The following CHD2 variants were observed in gnomAD, a reference collection of about 807,000 sequenced individuals.
CHD2 encodes the protein chromodomain helicase DNA binding protein 2.
A neutral mutation model predicts 243.9 loss-of-function variants in CHD2; 28 were observed. The observed-to-expected ratio is 0.11, with a 90% CI of 0.09 to 0.16. The LOEUF (loss-of-function observed/expected upper bound fraction) is 0.16. Among genes scored for constraint, CHD2 ranks in the 10% least tolerant of loss-of-function variants. The pLI, the probability that CHD2 is intolerant of heterozygous loss-of-function variation, is 1.00. For synonymous variants in CHD2, 775 were observed against 779.0 expected (o/e 0.99, Z 0.09); for missense variants, 1,386 against 2,209.8 (o/e 0.63, Z 7.47).
Position 92,975,016 on chromosome 15 carries a change from G to A in CHD2, c.2577+66G>A, listed in dbSNP as rs138021461. 2.2e-5 allele frequency: 28 copies of A among 1,293,518 alleles called. No individual in the cohort carries two copies. The African/African-American group carries it at 2.3e-4, about 11-fold the overall frequency. 80.1% of individuals were successfully genotyped at this position (1,293,518 alleles called of 1,614,324 possible). A position where few individuals can be genotyped will look rare whatever the true frequency, so the allele number is the denominator to read the frequency against. The stretch of plus-strand genomic sequence containing the variant: ...CTGCATCAAGGGGAAAGTCTCTCTC[G>A]CTTAATGTATTCTGTTTCAGAAACA... On this transcript the variant is annotated intron_variant, in intron 20 of 38. Transcript: ENST00000394196.
chr15:93,020,466 A>T, intron 38 of CHD2: 1 of 651,716 alleles, frequency 1.5e-6, no homozygotes, highest in Non-Finnish European at 2.6e-6. Flanking sequence ...CTGTGCAGGA[A>T]AAGAGTTTTC....
intron 5 of CHD2, among the ~76,000 whole-genome samples, chr15:92,932,499 T>C (rs1368513550): frequency 7.8e-6 from 1 of 128,380 alleles, no homozygotes; most frequent in Non-Finnish European, 1.5e-5. Flanking sequence ...TGTGTCCAAG[T>C]GTTCTCATTG....
intron 2 of CHD2, chr15:92,904,732 C>T (rs971511049): frequency 5.8e-6 from 8 of 1,388,206 alleles, no homozygotes; most frequent in Non-Finnish European, 7.4e-6. Context: ...AGAAAATTTG[C>T]CCAGTTTTAC....
chr15:92,912,641 C>A (rs917825176), intron 2 of CHD2, among the ~76,000 whole-genome samples: 1 of 152,244 alleles, frequency 6.6e-6, no homozygotes, highest in East Asian at 1.9e-4. Context: ...TCAAGTGATT[C>A]TCCTGCCTCA....
intron 17 of CHD2, among the ~76,000 whole-genome samples, chr15:92,968,091 T>C (rs994308158): frequency 6.6e-6 from 1 of 151,406 alleles, no homozygotes; most frequent in Non-Finnish European, 1.5e-5. Context: ...TTTTGATTGG[T>C]TGGTATGTCT....
intron 2 of CHD2, among the ~76,000 whole-genome samples, chr15:92,903,077 C>T (rs563851801): frequency 3.6e-4 from 55 of 152,162 alleles, no homozygotes; most frequent in African/African-American, 1.2e-3. Flanking sequence ...GATGGATGTC[C>T]AAAAATATTT....
At chr15:92,969,448 G>A (rs12900800) in intron 17 of CHD2, among the ~76,000 whole-genome samples, 105,340 of 152,080 alleles carry the variant, frequency 0.69, 38,010 homozygotes, top group East Asian at 0.99. Context: ...GACTTCATAG[G>A]CTGTCGTGTT....
intron 21 of CHD2, 72 bp from the exon 22 acceptor site, chr15:92,979,063 A>G: frequency 7.7e-6 from 12 of 1,567,860 alleles, no homozygotes; most frequent in Non-Finnish European, 1.0e-5. Flanking sequence ...TGACAGAGCT[A>G]ATCCTTCTCT....
chr15:92,945,951 G>GT, intron 11 of CHD2, 86 bp downstream of exon 11: 1 of 1,467,854 alleles, frequency 6.8e-7, no homozygotes, highest in Non-Finnish European at 9.3e-7. Flanking sequence ...GCCACATGAT[G>GT]TTTTATTGAT....
In CHD2 at chr15:92,901,571, A is replaced by G; in HGVS notation, c.62+272A>G. On this transcript the variant is annotated intron_variant, in intron 2 of 38. Coordinates refer to ENST00000394196, the MANE Select transcript of CHD2 (RefSeq NM_001271.4). ...TTCAAAGGGGCCTTTACTGTAATGT[A>G]CAGTTTTTCTGTCAGTAAATTTCAG... 6.6e-6 allele frequency: 3 copies of G among 456,142 alleles called. No individual in the cohort carries two copies. In the East Asian group the frequency reaches 1.0e-4, roughly 15 times the overall value. The allele number at this position is 456,142 out of a possible 1,614,324, so 28.3% of individuals were successfully genotyped here.
intron 28 of CHD2, among the ~76,000 whole-genome samples, chr15:92,995,686 T>A (rs2054178743): frequency 6.6e-6 from 1 of 152,234 alleles, no homozygotes; most frequent in Non-Finnish European, 1.5e-5. Context: ...TTTCGGTCTT[T>A]TGTTATTATA....
intron 2 of CHD2, among the ~76,000 whole-genome samples, chr15:92,923,146 A>G (rs2052991237): frequency 6.6e-6 from 1 of 152,220 alleles, no homozygotes; most frequent in South Asian, 2.1e-4. Context: ...GTTAATGTGT[A>G]TAAATTTTTA....
At chr15:92,961,174 T>C (rs2053682746) in intron 16 of CHD2, among the ~76,000 whole-genome samples, 4 of 152,204 alleles carry the variant, frequency 2.6e-5, no homozygotes, top group Non-Finnish European at 4.4e-5. Context: ...TTTAGTGTTA[T>C]TTCTTCTTTA....
At chr15:92,960,718 T>G (rs1433702273) in intron 16 of CHD2, among the ~76,000 whole-genome samples, 1 of 143,018 alleles carries the variant, frequency 7.0e-6, no homozygotes, top group South Asian at 2.3e-4. Context: ...TTTTTTTTTT[T>G]TTTTTTTTTT....
chr15:92,973,470 A>G (rs533418669), intron 19 of CHD2, among the ~76,000 whole-genome samples: 1 of 152,300 alleles, frequency 6.6e-6, no homozygotes, highest in South Asian at 2.1e-4. Flanking sequence ...ACCAACTCAC[A>G]TAATTATGTT....
chr15:92,974,988 G>T (rs1205142736), intron 20 of CHD2, 38 bp downstream of exon 20: 1 of 1,545,312 alleles, frequency 6.5e-7, no homozygotes, highest in East Asian at 2.3e-5. Flanking sequence ...AGCAACTTGG[G>T]CTCTGCATCA....
chr15:92,917,361 C>G (rs567551907), intron 2 of CHD2, among the ~76,000 whole-genome samples: 3 of 152,178 alleles, frequency 2.0e-5, no homozygotes, highest in Admixed American at 6.5e-5. Context: ...GAGTTCAAGA[C>G]CAGCCTGGCC....
intron 22 of CHD2, among the ~76,000 whole-genome samples, 172 bp downstream of exon 22, chr15:92,979,455 T>A (rs2053949391): frequency 2.6e-5 from 4 of 152,184 alleles, no homozygotes; most frequent in Admixed American, 2.0e-4. Flanking sequence ...TTCCTTTTTT[T>A]GCCCATCACC....
chr15:92,904,729 T>C, intron 2 of CHD2: 3 of 1,397,420 alleles, frequency 2.1e-6, no homozygotes, highest in Non-Finnish European at 2.8e-6. Context: ...AATAGAAAAT[T>C]TGCCCAGTTT....
Sources: allele counts gnomAD v4.1 joint callset (sites outside exome capture counted in the v4.1 genomes callset), GRCh38; gene constraint gnomAD v4.1.1; transcripts MANE v1.5; gene names NCBI Gene and HGNC (gene_info 2026-07-23, HGNC 2026-07-21).